Variants in CFTR observed in about 807,000 individuals in gnomAD.
CFTR encodes CF transmembrane conductance regulator.
In CFTR, 181 loss-of-function variants were observed where a neutral mutation model predicts 171.6. That is an observed-to-expected ratio of 1.05 (90% CI 0.93 to 1.19). The LOEUF is 1.19. Ranked by LOEUF, CFTR falls within the 50% of genes most tolerant of loss-of-function variation. The pLI, the probability that CFTR is intolerant of heterozygous loss-of-function variation, is 0.00. For missense variants in CFTR, 1,968 were observed against 1,734.7 expected (o/e 1.13, Z -2.39); for synonymous variants, 583 against 608.0 (o/e 0.96, Z 0.60).
chr7:117,619,003 T>G (rs1792534107), intron 21 of CFTR, among the ~76,000 whole-genome samples: 1 of 152,218 alleles, frequency 6.6e-6, no homozygotes, highest in South Asian at 2.1e-4. Flanking sequence ...TAACATAAAT[T>G]GTGGCTATCT....
In CFTR at chr7:117,611,565, T is replaced by A. The variant is rs767232138; in HGVS notation, c.3140-16T>A. The A allele has an allele frequency of 2.1e-6, 3 of 1,442,832 alleles. No homozygotes were observed. The highest frequency in any genetic ancestry group is 2.3e-5 in the South Asian group (2 of 87,060). 89.4% of individuals were successfully genotyped at this position (1,442,832 alleles called of 1,614,324 possible). On this transcript the variant is annotated splice_polypyrimidine_tract_variant and intron_variant, in intron 19 of 26. Transcript: ENST00000003084. ...TTTATGTTATTTGCAATGTTTTCTA[T>A]GGAAATATTTCACAGGCAGGAGTCC...
intron 3 of CFTR, among the ~76,000 whole-genome samples, chr7:117,512,262 T>C (rs948079109): frequency 3.3e-5 from 5 of 152,206 alleles, no homozygotes; most frequent in Non-Finnish European, 1.5e-5. Context: ...CTTCTCACCA[T>C]TAACTATGCA....
In CFTR at chr7:117,666,913, A is replaced by T; in HGVS notation, c.4248A>T (p.Ile1416=). The T allele has an allele frequency of 1.9e-6, 3 of 1,613,970 alleles. No individual in the cohort carries two copies. The highest frequency in any genetic ancestry group is 2.5e-6 in the Non-Finnish European group (3 of 1,179,922). Residue 1416 remains isoleucine, a synonymous_variant, in exon 27 of 27, where the codon ATA becomes ATT. Transcript: ENST00000003084. Reference sequence around the variant, plus strand: ...ACTAACAGCCATTTCCCTAGGTCATAGAAGAGAACAAAGTGCGGCAGTACG... The same window carrying T: ...ACTAACAGCCATTTCCCTAGGTCATTGAAGAGAACAAAGTGCGGCAGTACG... ...AMLECQQFLV[I]EENKVRQYDS...
chr7:117,531,100 T>C lies in CFTR; in HGVS notation c.475T>C (p.Leu159=), dbSNP rs769183771. ...GCAGATGAGAATAGCTATGTTTAGT[T>C]TGATTTATAAGAAGGTAATACTTCC... ...GMQMRIAMFS[L]IYKKTLKLSS... is the part of the protein sequence containing the mutation. Residue 159 remains leucine, a synonymous_variant, in exon 4 of 27, where the codon TTG becomes CTG. Coordinates refer to ENST00000003084, the MANE Select transcript of CFTR (RefSeq NM_000492.4). 3.7e-6 allele frequency: 6 copies of C among 1,612,598 alleles called. No homozygotes were observed. The African/African-American group carries it at 5.3e-5, about 14-fold the overall frequency.
At chr7:117,659,985 CAA>C (rs1236546221) in intron 24 of CFTR, among the ~76,000 whole-genome samples, 1 of 151,854 alleles carries the variant, frequency 6.6e-6, no homozygotes, top group Non-Finnish European at 1.5e-5. Context: ...CAGAATACAG[CAA>C]TAGCAAAAGT....
chr7:117,664,771 C>T lies in CFTR; in HGVS notation c.4047C>T (p.Gly1349=), dbSNP rs2116221068. ...ATGGGGGCTGTGTCCTAAGCCATGG[C>T]CACAAGCAGTTGATGTGCTTGGCTA... ...LVDGGCVLSH[G]HKQLMCLARS... The change falls in exon 25 of 27, where the codon GGC becomes GGT. Residue 1349 remains glycine, a synonymous_variant. Coordinates refer to ENST00000003084, the MANE Select transcript of CFTR (RefSeq NM_000492.4). The T allele has an allele frequency of 6.2e-7, 1 of 1,613,874 alleles. No individual in the cohort carries two copies. Among genetic ancestry groups the T allele is most frequent in the Non-Finnish European group, 8.5e-7 (1 of 1,179,816 alleles).
chr7:117,553,026 A>C (rs1448862347), intron 10 of CFTR, among the ~76,000 whole-genome samples: 1 of 152,120 alleles, frequency 6.6e-6, no homozygotes, highest in Non-Finnish European at 1.5e-5. Flanking sequence ...CACCTTAGAG[A>C]GACCCTCACC....
intron 23 of CFTR, among the ~76,000 whole-genome samples, chr7:117,646,735 G>A (rs1793001369): frequency 6.6e-6 from 1 of 152,098 alleles, no homozygotes; most frequent in Admixed American, 6.6e-5. Context: ...TGAGTCTGGA[G>A]TAATATAAGG....
chr7:117,628,123 A>T (rs924034913), intron 22 of CFTR, among the ~76,000 whole-genome samples: 1 of 152,122 alleles, frequency 6.6e-6, no homozygotes, highest in South Asian at 2.1e-4. Flanking sequence ...GACTCCATCT[A>T]TTGTCTTAAA....
intron 24 of CFTR, among the ~76,000 whole-genome samples, chr7:117,660,403 G>C (rs1055760381): frequency 2.6e-5 from 4 of 151,936 alleles, no homozygotes; most frequent in Non-Finnish European, 4.4e-5. Flanking sequence ...AGGCCGAGGC[G>C]GTTGGATCAC....
At chr7:117,653,624 C>CG (rs750789828) in intron 24 of CFTR, among the ~76,000 whole-genome samples, 57 of 151,962 alleles carry the variant, frequency 3.8e-4, no homozygotes, top group South Asian at 3.5e-3. Context: ...GAGGAGGTGG[C>CG]GGGGGGGACA....
Position 117,504,245 on chromosome 7 carries a change from T to A in CFTR, c.54-8T>A, listed in dbSNP as rs778197563. 7 of 1,537,532 alleles carry A rather than the reference T, an allele frequency of 4.6e-6. No homozygotes were observed. Among genetic ancestry groups the A allele is most frequent in the Non-Finnish European group, 4.5e-6 (5 of 1,110,282 alleles). On this transcript the variant is annotated splice_region_variant and splice_polypyrimidine_tract_variant and intron_variant, in intron 1 of 26. Transcript: ENST00000003084. ...AGTGAATATCTGTTCCTCCTCTCTTTATTTTAGCTGGACCAGACCAATTTT... is the reference window on the plus strand; with the variant it reads ...AGTGAATATCTGTTCCTCCTCTCTTAATTTTAGCTGGACCAGACCAATTTT...
Position 117,559,670 on chromosome 7 carries a change from G to A in CFTR, c.1584+15G>A. On this transcript the variant is annotated intron_variant, in intron 11 of 26. Transcript: ENST00000003084. ...AACTAGAAGAGGTAAGAAACTATGTGAAAACTTTTTGATTATGCATATGAA... is the reference window on the plus strand; with the variant it reads ...AACTAGAAGAGGTAAGAAACTATGTAAAAACTTTTTGATTATGCATATGAA... 1 of 1,602,786 alleles carries A rather than the reference G, an allele frequency of 6.2e-7. No individual in the cohort carries two copies. The highest frequency in any genetic ancestry group is 8.5e-7 in the Non-Finnish European group (1 of 1,170,892).
At chr7:117,491,451 G>A (rs1427939445) in intron 1 of CFTR, among the ~76,000 whole-genome samples, 1 of 151,982 alleles carries the variant, frequency 6.6e-6, no homozygotes, top group Non-Finnish European at 1.5e-5. Context: ...TTAAATAACA[G>A]GAATTTATTA....
intron 11 of CFTR, among the ~76,000 whole-genome samples, chr7:117,561,192 T>C (rs1365721907): frequency 6.6e-6 from 1 of 152,110 alleles, no homozygotes; most frequent in African/African-American, 2.4e-5. Context: ...ATAGTCTATT[T>C]TTCTGAAGGG....
intron 21 of CFTR, among the ~76,000 whole-genome samples, chr7:117,626,214 A>T (rs1037078859): frequency 1.5e-4 from 23 of 152,114 alleles, no homozygotes; most frequent in Non-Finnish European, 7.4e-5. Context: ...TACAGTTAGA[A>T]TTGCTAAGAT....
chr7:117,487,636 T>G (rs1798094930), intron 1 of CFTR: 1 of 152,154 alleles, frequency 6.6e-6, no homozygotes, highest in Admixed American at 6.6e-5. Flanking sequence ...TGTTTTATGT[T>G]AAAACTTTGA....
Position 117,590,352 on chromosome 7 carries a change from G to T in CFTR, c.1680-1G>T. On this transcript the variant is annotated splice_acceptor_variant, in intron 12 of 26. Coordinates refer to ENST00000003084, the MANE Select transcript of CFTR (RefSeq NM_000492.4). LOFTEE classifies it high-confidence loss of function. Reference sequence around the variant, plus strand: ...TAATTTAATTTCCATTTTCTTTTTAGAGCAGTATACAAAGATGCTGATTTG... The same window carrying T: ...TAATTTAATTTCCATTTTCTTTTTATAGCAGTATACAAAGATGCTGATTTG... The T allele has an allele frequency of 1.2e-6, 2 of 1,602,112 alleles. No individual in the cohort carries two copies. The highest frequency in any genetic ancestry group is 2.2e-5 in the South Asian group (2 of 90,856).
chr7:117,506,072 A>G (rs1278517579), intron 2 of CFTR, among the ~76,000 whole-genome samples: 2 of 152,158 alleles, frequency 1.3e-5, no homozygotes, highest in Non-Finnish European at 2.9e-5. Flanking sequence ...GGCATATGGT[A>G]TATACTCAAT....
Sources: allele counts gnomAD v4.1 joint callset (sites outside exome capture counted in the v4.1 genomes callset), GRCh38; gene constraint gnomAD v4.1.1; transcripts MANE v1.5; gene names NCBI Gene and HGNC (gene_info 2026-07-23, HGNC 2026-07-21).